The following B4GALNT3 variants were observed in gnomAD, a reference collection of about 807,000 sequenced individuals.
The protein encoded by B4GALNT3 is beta-1,4-N-acetyl-galactosaminyltransferase 3.
In B4GALNT3, 86 loss-of-function variants were observed where a neutral mutation model predicts 120.2. The observed-to-expected ratio is 0.72, with a 90% CI of 0.60 to 0.86. The LOEUF (loss-of-function observed/expected upper bound fraction) is 0.86. B4GALNT3 is among the 40% of genes least tolerant of loss of function. The pLI, the probability that B4GALNT3 is intolerant of heterozygous loss-of-function variation, is 0.00. For missense variants in B4GALNT3, 1,167 were observed against 1,298.9 expected (o/e 0.90, Z 1.56); for synonymous variants, 518 against 510.4 (o/e 1.01, Z -0.20).
chr12:471,445 G>A (rs927264003), intron 1 of B4GALNT3, among the ~76,000 whole-genome samples: 7 of 151,832 alleles, frequency 4.6e-5, no homozygotes, highest in African/African-American at 1.7e-4. Context: ...GGTGGCTCAT[G>A]CCTGAAATCC....
At chr12:500,515 C>T (rs1171794649) in intron 1 of B4GALNT3, among the ~76,000 whole-genome samples, 1 of 152,168 alleles carries the variant, frequency 6.6e-6, no homozygotes, top group African/African-American at 2.4e-5. Context: ...GCCAGGATAA[C>T]TGAGCTGGGC....
chr12:557,909 A>G, intron 16 of B4GALNT3, 107 bp from the exon 17 acceptor site: 1 of 1,479,490 alleles, frequency 6.8e-7, no homozygotes, highest in Non-Finnish European at 9.4e-7. Context: ...CCTGCCCATA[A>G]TCCCATCCCA....
intron 1 of B4GALNT3, among the ~76,000 whole-genome samples, chr12:527,949 T>C (rs1053873809): frequency 1.3e-5 from 2 of 150,804 alleles, no homozygotes; most frequent in African/African-American, 4.9e-5. Context: ...GAAGTGTGGG[T>C]GGGTGGGTGA....
chr12:478,250 TAAAA>T (rs34616848), intron 1 of B4GALNT3, among the ~76,000 whole-genome samples: 1 of 86,902 alleles, frequency 1.2e-5, no homozygotes, highest in Non-Finnish European at 2.2e-5. Flanking sequence ...ACTCTGTCTT[TAAAA>T]AAAAAAAAAA....
At chr12:492,826 T>TG (rs1861863363) in intron 1 of B4GALNT3, among the ~76,000 whole-genome samples, 1 of 151,842 alleles carries the variant, frequency 6.6e-6, no homozygotes. Flanking sequence ...TATATTCAAC[T>TG]GGTCTTTGAT....
intron 14 of B4GALNT3, among the ~76,000 whole-genome samples, chr12:554,605 A>G (rs372959431): frequency 9.8e-4 from 146 of 148,322 alleles, no homozygotes; most frequent in African/African-American, 3.3e-3. Context: ...CCTGGCTAAC[A>G]CGGTGAAACC....
At chr12:536,743 G>C (rs1471525942) in intron 3 of B4GALNT3, among the ~76,000 whole-genome samples, 1 of 152,214 alleles carries the variant, frequency 6.6e-6, no homozygotes. Context: ...AAGGCCTACT[G>C]TGTGGCAGGC....
At chr12:505,258 C>G (rs74364037) in intron 1 of B4GALNT3, among the ~76,000 whole-genome samples, 2,927 of 152,324 alleles carry the variant, frequency 0.019, 89 homozygotes, top group African/African-American at 0.066. Context: ...TTTGGTAGCT[C>G]TGTTTTGAGA....
intron 1 of B4GALNT3, among the ~76,000 whole-genome samples, chr12:483,432 C>A (rs1269405043): frequency 6.6e-6 from 1 of 152,156 alleles, no homozygotes; most frequent in Non-Finnish European, 1.5e-5. Flanking sequence ...CACAGTGGCT[C>A]ATACCTGTAA....
rs386375353 is a variant in B4GALNT3 at position 474,947 on chromosome 12, C to CAAAAAAAA, written c.169+14415_169+14422dup. Among the ~76,000 whole-genome samples, 52 of 60,598 alleles carry CAAAAAAAA rather than the reference C, an allele frequency of 8.6e-4. 2 individuals carry two copies. The highest frequency in any genetic ancestry group is 3.4e-3 in the African/African-American group (45 of 13,306). The allele number at this position is 60,598 out of a possible 152,430, so 39.8% of individuals were successfully genotyped here. On this transcript the variant is annotated intron_variant, in intron 1 of 19. Coordinates refer to ENST00000266383, the MANE Select transcript of B4GALNT3 (RefSeq NM_173593.4). ...TGGGTGACAGAGGGAGACCTTGTCTCAAAAAAAAAAAAAAAAAAAAGCCAA... is the reference window on the plus strand; with the variant it reads ...TGGGTGACAGAGGGAGACCTTGTCTCAAAAAAAAAAAAAAAAAAAAAAAAAAAAGCCAA...
At position 551,967 on chromosome 12, in the gene B4GALNT3, A is replaced by ATG. The variant is rs1394663899; in HGVS notation, c.1108-93_1108-92dup. 34 of 951,216 alleles carry ATG rather than the reference A, an allele frequency of 3.6e-5. No individual in the cohort carries two copies. In the Admixed American group the frequency reaches 5.3e-4, roughly 15 times the overall value. The allele number at this position is 951,216 out of a possible 1,614,324, so 58.9% of individuals were successfully genotyped here. ...CCAAGGGCGGGTCCCTAGCAGCCCT[A>ATG]TGTGATCCCAGCCAGGGGCAGGCTT... On this transcript the variant is annotated intron_variant, in intron 11 of 19. Coordinates refer to ENST00000266383, the MANE Select transcript of B4GALNT3 (RefSeq NM_173593.4).
intron 1 of B4GALNT3, among the ~76,000 whole-genome samples, chr12:521,382 CTG>C (rs1037617677): frequency 3.1e-4 from 47 of 152,140 alleles, no homozygotes; most frequent in Non-Finnish European, 4.9e-4. Context: ...AGCCGGGTCA[CTG>C]GGTGGCTGTT....
At chr12:497,488 T>C (rs1029368237) in intron 1 of B4GALNT3, among the ~76,000 whole-genome samples, 4 of 152,258 alleles carry the variant, frequency 2.6e-5, no homozygotes, top group Non-Finnish European at 5.9e-5. Flanking sequence ...TGTATGGATA[T>C]GCCACGTTTT....
intron 1 of B4GALNT3, among the ~76,000 whole-genome samples, chr12:525,178 G>T (rs1057106764): frequency 2.0e-5 from 3 of 151,516 alleles, no homozygotes; most frequent in Admixed American, 6.6e-5. Context: ...GTGTGATCTC[G>T]GCTCACTGCA....
At chr12:485,915 G>A (rs142186881) in intron 1 of B4GALNT3, among the ~76,000 whole-genome samples, 3 of 152,266 alleles carry the variant, frequency 2.0e-5, no homozygotes, top group East Asian at 3.9e-4. Flanking sequence ...GGGGAGACAG[G>A]TAGGCAGATG....
Position 474,244 on chromosome 12 carries a change from C to T in B4GALNT3, c.169+13699C>T, listed in dbSNP as rs964942108. ...CTGTCTGGGCTGGGCAGAAAATGAT[C>T]GTGGCTTTCTTCTTCATCACAAACC... On this transcript the variant is annotated intron_variant, in intron 1 of 19. Coordinates refer to ENST00000266383, the MANE Select transcript of B4GALNT3 (RefSeq NM_173593.4). Among the ~76,000 whole-genome samples, 5 of 152,168 alleles carry T rather than the reference C, an allele frequency of 3.3e-5. No homozygotes were observed. In the East Asian group the frequency reaches 5.8e-4, roughly 18 times the overall value.
chr12:500,310 G>C (rs1348755237), intron 1 of B4GALNT3, among the ~76,000 whole-genome samples: 1 of 152,146 alleles, frequency 6.6e-6, no homozygotes, highest in African/African-American at 2.4e-5. Context: ...CCAGCCAGAA[G>C]CAACTCTTTA....
chr12:495,583 G>T (rs958118333), intron 1 of B4GALNT3, among the ~76,000 whole-genome samples: 1 of 152,150 alleles, frequency 6.6e-6, no homozygotes, highest in African/African-American at 2.4e-5. Flanking sequence ...GTACAGCTAT[G>T]CAGGTTGTTC....
rs1227273922 is a variant in B4GALNT3 at position 544,409 on chromosome 12, A to T, written c.422A>T (p.Asn141Ile). The T allele has an allele frequency of 6.2e-7, 1 of 1,613,608 alleles. No homozygotes were observed. Among genetic ancestry groups the T allele is most frequent in the Non-Finnish European group, 8.5e-7 (1 of 1,179,866 alleles). ...AGCTCTATCCAGCAGCTCAGGAGGAACCTGCATTTCCCACTGTACCCCCAT... is the reference window on the plus strand; with the variant it reads ...AGCTCTATCCAGCAGCTCAGGAGGATCCTGCATTTCCCACTGTACCCCCAT... ...CGSSIQQLRR[N>I]LHFPLYPHIR... Residue 141 changes from asparagine (N) to isoleucine (I), a missense_variant, in exon 4 of 20, where the codon AAC (asparagine) becomes ATC (isoleucine). By Grantham distance (149) the Asn-to-Ile change is moderately radical. Transcript: ENST00000266383.
Sources: gnomAD v4.1 joint callset for allele counts (sites outside exome capture counted in the v4.1 genomes callset) on GRCh38, gnomAD v4.1.1 for gene constraint, MANE v1.5 for transcripts, NCBI Gene and HGNC (gene_info 2026-07-23, HGNC 2026-07-21) for gene names.